SMARCB1: variants seen among roughly 807,000 people sequenced by gnomAD.
The protein encoded by SMARCB1 is SWI/SNF-related matrix-associated actin-dependent regulator of chromatin subfamily B member 1.
A neutral mutation model predicts 49.0 loss-of-function variants in SMARCB1; 5 were observed. That is an observed-to-expected ratio of 0.10 (90% CI 0.05 to 0.21). The LOEUF is 0.21. Among genes scored for constraint, SMARCB1 ranks in the 10% least tolerant of loss-of-function variants. The pLI is 1.00. For synonymous variants in SMARCB1, 201 were observed against 200.1 expected (o/e 1.00, Z -0.04); for missense variants, 226 against 509.2 (o/e 0.44, Z 5.35).
At position 23,803,334 on chromosome 22, in the gene SMARCB1, A is replaced by G. The variant is rs1295919219; in HGVS notation, c.540A>G (p.Ala180=). The change falls in exon 5 of 9, where the codon GCA becomes GCG. Residue 180 remains alanine (A), a synonymous_variant. Transcript: ENST00000644036. Reference sequence around the variant, plus strand: ...ACCCAGCTGTGATCCATGAGAACGCATCTCAGCCCGAGGTGCTGGTCCCCA... The same window carrying G: ...ACCCAGCTGTGATCCATGAGAACGCGTCTCAGCCCGAGGTGCTGGTCCCCA... ...DHDPAVIHEN[A]SQPEVLVPIR... The G allele has an allele frequency of 1.2e-6, 2 of 1,614,202 alleles. No homozygotes were observed. Among genetic ancestry groups the G allele is most frequent in the South Asian group, 2.2e-5 (2 of 91,086 alleles).
intron 7 of SMARCB1, among the ~76,000 whole-genome samples, chr22:23,832,034 AGCCAGCTGCAGCCAGT>A (rs2030682935): frequency 1.3e-5 from 2 of 152,104 alleles, no homozygotes; most frequent in Non-Finnish European, 2.9e-5. Context: ...CTGCAGGGAG[AGCCAGCTGCAGCCAGT>A]GCCCTGCGCT....
intron 6 of SMARCB1, chr22:23,817,770 A>C (rs978948462): frequency 6.6e-6 from 1 of 152,178 alleles, no homozygotes. Flanking sequence ...TTTGGAAAAT[A>C]ACGTGGGGGA....
In SMARCB1 at chr22:23,837,393, C is replaced by G; in HGVS notation, c.*3213C>G. ...CTGAGAATAGTGGAGGAGTGGGAGC[C>G]ATGGGGCAGGAACCCTGACCCTCCC... On this transcript the variant is annotated 3_prime_UTR_variant, in exon 9 of 9. Coordinates refer to ENST00000644036, the MANE Select transcript of SMARCB1 (RefSeq NM_003073.5). 1 of 652,160 alleles carries G rather than the reference C, an allele frequency of 1.5e-6. No individual in the cohort carries two copies. The highest frequency in any genetic ancestry group is 2.6e-6 in the Non-Finnish European group (1 of 383,838). 40.4% of individuals were successfully genotyped at this position (652,160 alleles called of 1,614,324 possible). A position where few individuals can be genotyped will look rare whatever the true frequency, so the allele number is the denominator to read the frequency against.
chr22:23,817,250 G>C (rs928782), intron 6 of SMARCB1: 5 of 496,124 alleles, frequency 1.0e-5, no homozygotes, highest in South Asian at 9.6e-5. Context: ...TGCTCCAGGG[G>C]GGCCTAGTAA....
At chr22:23,792,018 CG>C in intron 2 of SMARCB1, 124 bp downstream of exon 2, 1 of 1,016,840 alleles carries the variant, frequency 9.8e-7, no homozygotes, top group Non-Finnish European at 1.5e-6. Context: ...GGGAGCATCC[CG>C]GGGTGGGCCG....
intron 8 of SMARCB1, 86 bp from the exon 9 acceptor site, chr22:23,834,055 C>T (rs2146044128): frequency 2.8e-6 from 4 of 1,433,294 alleles, no homozygotes; most frequent in Non-Finnish European, 3.8e-6. Context: ...CACCCCTACA[C>T]TTGGCTGCCC....
At chr22:23,809,325 G>T (rs1367986754) in intron 5 of SMARCB1, among the ~76,000 whole-genome samples, 1 of 145,728 alleles carries the variant, frequency 6.9e-6, no homozygotes, top group African/African-American at 2.6e-5. Flanking sequence ...TGCCCAGGCT[G>T]GAGTGCAATG....
intron 7 of SMARCB1, among the ~76,000 whole-genome samples, chr22:23,827,576 CTT>C (rs1205159374): frequency 5.9e-5 from 9 of 152,218 alleles, no homozygotes; most frequent in Non-Finnish European, 8.8e-5. Context: ...CCTGCTCTCT[CTT>C]ATGCTGAGAA....
chr22:23,837,488 G>C lies in SMARCB1; in HGVS notation c.*3308G>C. The C allele has an allele frequency of 1.4e-6, 1 of 721,820 alleles. No homozygotes were observed. Among genetic ancestry groups the C allele is most frequent in the Non-Finnish European group, 2.3e-6 (1 of 443,378 alleles). 44.7% of individuals were successfully genotyped at this position (721,820 alleles called of 1,614,324 possible). ...CTGACGATGCAAATTATGTGGGCCG[G>C]CTGGCTTGAGGGGCTGTAAGAGCAC... On this transcript the variant is annotated 3_prime_UTR_variant, in exon 9 of 9. Transcript: ENST00000644036.
intron 6 of SMARCB1, among the ~76,000 whole-genome samples, chr22:23,822,850 G>A (rs915693906): frequency 3.4e-5 from 5 of 147,824 alleles, no homozygotes; most frequent in African/African-American, 1.0e-4. Context: ...GGCCAGCCTG[G>A]ACTTTCTCCC....
At position 23,835,782 on chromosome 22, in the gene SMARCB1, G is replaced by A; in HGVS notation, c.*1602G>A. On this transcript the variant is annotated 3_prime_UTR_variant, in exon 9 of 9. Coordinates refer to ENST00000644036, the MANE Select transcript of SMARCB1 (RefSeq NM_003073.5). ...GGCAGCCCTGTGTCTCCACAACTGG[G>A]GGGATGGAAGGAACCTTGGCTGCCT... is the stretch of plus-strand genomic sequence containing the variant. The A allele has an allele frequency of 4.1e-6, 4 of 985,474 alleles. No homozygotes were observed. Among genetic ancestry groups the A allele is most frequent in the Non-Finnish European group, 4.8e-6 (4 of 829,930 alleles). 61.0% of individuals were successfully genotyped at this position (985,474 alleles called of 1,614,324 possible). A position where few individuals can be genotyped will look rare whatever the true frequency, so the allele number is the denominator to read the frequency against.
intron 5 of SMARCB1, among the ~76,000 whole-genome samples, chr22:23,805,504 C>T (rs569111894): frequency 2.0e-5 from 3 of 152,164 alleles, no homozygotes; most frequent in South Asian, 2.1e-4. Flanking sequence ...TTTTCATTGC[C>T]GTTTTTCTTC....
At chr22:23,812,326 G>A (rs904269244) in intron 5 of SMARCB1, among the ~76,000 whole-genome samples, 3 of 152,004 alleles carry the variant, frequency 2.0e-5, no homozygotes, top group African/African-American at 7.2e-5. Context: ...TTTTAAAAAA[G>A]GAAAACAATT....
intron 5 of SMARCB1, among the ~76,000 whole-genome samples, chr22:23,807,630 A>C (rs1247086240): frequency 2.0e-5 from 3 of 151,900 alleles, no homozygotes; most frequent in Non-Finnish European, 2.9e-5. Flanking sequence ...TCAGGAAGCC[A>C]AGTGAAGCCC....
At chr22:23,799,841 C>T (rs867567786) in intron 3 of SMARCB1, among the ~76,000 whole-genome samples, 2 of 151,918 alleles carry the variant, frequency 1.3e-5, no homozygotes, top group Admixed American at 6.6e-5. Context: ...CCTGCCACCA[C>T]GCCCGGCTAA....
chr22:23,825,188 A>G (rs1431136693), intron 6 of SMARCB1, 37 bp from the exon 7 acceptor site: 1 of 1,603,212 alleles, frequency 6.2e-7, no homozygotes, highest in East Asian at 2.2e-5. Context: ...CCTGGGCTGC[A>G]AAAGCTCTAA....
chr22:23,814,237 C>G (rs1216166131), intron 5 of SMARCB1, among the ~76,000 whole-genome samples: 2 of 152,150 alleles, frequency 1.3e-5, no homozygotes, highest in South Asian at 4.1e-4. Context: ...AGTGACATAC[C>G]GTGATGGAAC....
chr22:23,795,679 A>T (rs1928698092), intron 3 of SMARCB1, among the ~76,000 whole-genome samples: 1 of 137,148 alleles, frequency 7.3e-6, no homozygotes, highest in Non-Finnish European at 1.5e-5. Context: ...TAAAATAAAA[A>T]ATAAATAAAT....
In SMARCB1 at chr22:23,786,983, G is replaced by A. The variant is rs1045454224; in HGVS notation, c.-187G>A. 5 of 496,720 alleles carry A rather than the reference G, an allele frequency of 1.0e-5. No individual in the cohort carries two copies. The highest frequency in any genetic ancestry group is 4.4e-5 in the Admixed American group (1 of 22,700). The allele number at this position is 496,720 out of a possible 1,614,324, so 30.8% of individuals were successfully genotyped here. ...GCGTCAACGCCAGCGCCTGCGCACTGAGGGCGGCCTGGTCGTCGTCTGCGG... is the reference window on the plus strand; with the variant it reads ...GCGTCAACGCCAGCGCCTGCGCACTAAGGGCGGCCTGGTCGTCGTCTGCGG... On this transcript the variant is annotated 5_prime_UTR_variant, in exon 1 of 9. Transcript: ENST00000644036.
Sources: gnomAD v4.1 joint callset for allele counts (sites outside exome capture counted in the v4.1 genomes callset) on GRCh38, gnomAD v4.1.1 for gene constraint, MANE v1.5 for transcripts, NCBI Gene and HGNC (gene_info 2026-07-23, HGNC 2026-07-21) for gene names.